RORA: variants seen among roughly 807,000 people sequenced by gnomAD.
The protein encoded by RORA is RAR related orphan receptor A.
Under a neutral mutation model 69.5 loss-of-function variants are expected in RORA, and 7 were observed. The ratio of observed to expected loss-of-function variants is 0.10; its 90% CI spans 0.06 to 0.19. The LOEUF is 0.19. Among genes scored for constraint, RORA ranks in the 10% least tolerant of loss-of-function variants. The pLI is 1.00. For synonymous variants in RORA, 261 were observed against 240.8 expected, an observed-to-expected ratio of 1.08 and a Z score of -0.78; for missense variants, 457 against 663.0, an observed-to-expected ratio of 0.69 and a Z score of 3.41.
chr15:61,008,052 C>T (rs891663695), intron 1 of RORA, among the ~76,000 whole-genome samples: 1 of 151,566 alleles, frequency 6.6e-6, no homozygotes, highest in African/African-American at 2.4e-5. Flanking sequence ...TCAAAAGTGA[C>T]AAGTTTTATT....
intron 1 of RORA, among the ~76,000 whole-genome samples, chr15:60,722,477 C>T (rs1179004042): frequency 1.3e-5 from 2 of 152,194 alleles, no homozygotes; most frequent in East Asian, 3.8e-4. Context: ...GACTTACGTG[C>T]AGCTCTCTGA....
rs540330401 is a variant in RORA, at chr15:60,855,962, A to T, written c.167-177276T>A. 8.5e-5 allele frequency among the ~76,000 whole-genome samples: 13 copies of T among 152,280 alleles called. No homozygotes were observed. In the East Asian group the frequency reaches 2.3e-3, roughly 27 times the overall value. On this transcript the variant is annotated intron_variant, in intron 1 of 10. Coordinates refer to ENST00000335670, the MANE Select transcript of RORA (RefSeq NM_134261.3). ...AGCATTTATGCATTAAATTGAACTAATATTAAATACAGTGTAGATTTCTGG... is the reference window on the plus strand; with the variant it reads ...AGCATTTATGCATTAAATTGAACTATTATTAAATACAGTGTAGATTTCTGG...
At position 60,497,477 on chromosome 15, in the gene RORA, G is replaced by A; in HGVS notation, c.1550C>T (p.Pro517Leu). The A allele has an allele frequency of 6.2e-7, 1 of 1,613,974 alleles. No individual in the cohort carries two copies. The highest frequency in any genetic ancestry group is 1.1e-5 in the South Asian group (1 of 91,072). Residue 517 changes from proline (P) to leucine (L), a missense_variant, in exon 11 of 11, where the codon CCA becomes CTA. Coordinates refer to ENST00000335670, the MANE Select transcript of RORA (RefSeq NM_134261.3). Reference protein sequence around the residue: ...YKELFTSEFEPAMQIDG With the variant: ...YKELFTSEFELAMQIDG ...CATTTACCCATCAATTTGCATTGCT[G>A]GCTCAAATTCTGAAGTGAACAACTC...
At chr15:60,594,854 C>T (rs1002078719) in intron 2 of RORA, among the ~76,000 whole-genome samples, 4 of 152,230 alleles carry the variant, frequency 2.6e-5, no homozygotes, top group African/African-American at 9.7e-5. Flanking sequence ...AGATGTACTT[C>T]ATTCACTTCC....
intron 1 of RORA, among the ~76,000 whole-genome samples, chr15:60,862,101 A>G (rs372390534): frequency 1.2e-4 from 19 of 152,352 alleles, no homozygotes; most frequent in African/African-American, 4.6e-4. Flanking sequence ...TCAGGGTGAG[A>G]GGAAATGGGC....
At chr15:60,499,843 T>C in intron 10 of RORA, 49 bp downstream of exon 10, 2 of 1,013,730 alleles carry the variant, frequency 2.0e-6, no homozygotes, top group East Asian at 5.0e-5. Context: ...GCATGATTTG[T>C]GCCAGGGGAT....
chr15:60,758,988 A>C (rs1157460243), intron 1 of RORA, among the ~76,000 whole-genome samples: 3 of 152,218 alleles, frequency 2.0e-5, no homozygotes, highest in African/African-American at 7.2e-5. Flanking sequence ...TTAGCACCTG[A>C]GCTGAGGCTC....
At position 61,218,175 on chromosome 15, in the gene RORA, TTGTGTG is replaced by T. The variant is rs72135304; in HGVS notation, c.166+10872_166+10877del. ...AGGGTAAATATTTTACATGAAATGT[TTGTGTG>T]TGTGTGTGTGTGTGTGTGTGTGTGT... On this transcript the variant is annotated intron_variant, in intron 1 of 10. Coordinates refer to ENST00000335670, the MANE Select transcript of RORA (RefSeq NM_134261.3). Among the ~76,000 whole-genome samples the T allele has an allele frequency of 5.5e-3, 814 of 148,392 alleles. 5 individuals are homozygous for T. The highest frequency in any genetic ancestry group is 0.017 in the Middle Eastern group (5 of 290).
intron 1 of RORA, among the ~76,000 whole-genome samples, chr15:61,172,153 T>C (rs192294288): frequency 2.8e-3 from 430 of 152,194 alleles, no homozygotes; most frequent in Middle Eastern, 0.01. Context: ...AAAAAAATGG[T>C]ATAGTGTCCT....
At position 60,583,064 on chromosome 15, in the gene RORA, G is replaced by A. The variant is rs984323859; in HGVS notation, c.197-51213C>T. 3.9e-5 allele frequency among the ~76,000 whole-genome samples: 6 copies of A among 152,246 alleles called. No individual in the cohort carries two copies. The South Asian group carries it at 1.0e-3, about 26-fold the overall frequency. On this transcript the variant is annotated intron_variant, in intron 2 of 10. Transcript: ENST00000335670. ...CCCCTCGGCCGCCAGCATCACATCT[G>A]CCACAATAATGAGATAGATACTACA...
intron 1 of RORA, among the ~76,000 whole-genome samples, chr15:60,787,449 T>C (rs1163004517): frequency 6.6e-6 from 1 of 152,228 alleles, no homozygotes; most frequent in Non-Finnish European, 1.5e-5. Context: ...CAACCAGTCA[T>C]CTTTTCTGAG....
chr15:61,119,389 GTATATATATATATATATACACACACTA>G (rs1280110385), intron 1 of RORA, among the ~76,000 whole-genome samples: 1 of 147,680 alleles, frequency 6.8e-6, no homozygotes, highest in African/African-American at 2.5e-5. Context: ...TTTTGTATAT[GTATATATATATATATATACACACACTA>G]TATATATATA....
chr15:60,735,058 A>T (rs2071480115), intron 1 of RORA, among the ~76,000 whole-genome samples: 1 of 152,222 alleles, frequency 6.6e-6, no homozygotes, highest in Non-Finnish European at 1.5e-5. Context: ...TCTGTGAAGT[A>T]CAAAGCATCA....
At chr15:61,003,334 G>T (rs1339009865) in intron 1 of RORA, among the ~76,000 whole-genome samples, 1 of 152,122 alleles carries the variant, frequency 6.6e-6, no homozygotes, top group Non-Finnish European at 1.5e-5. Flanking sequence ...GTAATCTGCT[G>T]ATTTAGTGAT....
At chr15:60,764,393 G>T (rs12439253) in intron 1 of RORA, among the ~76,000 whole-genome samples, 11,404 of 152,114 alleles carry the variant, frequency 0.075, 523 homozygotes, top group Admixed American at 0.12. Context: ...GGAATAAAAT[G>T]GTCTTTTAGG....
intron 1 of RORA, among the ~76,000 whole-genome samples, chr15:61,046,380 G>A (rs959918004): frequency 5.3e-5 from 8 of 152,222 alleles, no homozygotes; most frequent in Admixed American, 1.3e-4. Flanking sequence ...AATAGTCTCC[G>A]CCAGGAGAGG....
intron 1 of RORA, among the ~76,000 whole-genome samples, chr15:61,168,940 T>C (rs930384678): frequency 6.6e-6 from 1 of 152,192 alleles, no homozygotes; most frequent in Non-Finnish European, 1.5e-5. Flanking sequence ...GAGTGACCTC[T>C]CAATTATTAC....
chr15:60,791,990 T>C (rs1402880579), intron 1 of RORA, among the ~76,000 whole-genome samples: 3 of 151,260 alleles, frequency 2.0e-5, no homozygotes, highest in African/African-American at 7.3e-5. Flanking sequence ...ACTCAGATAA[T>C]GCCCTTAGCT....
At chr15:60,814,498 T>G (rs958990556) in intron 1 of RORA, among the ~76,000 whole-genome samples, 1 of 152,134 alleles carries the variant, frequency 6.6e-6, no homozygotes, top group Non-Finnish European at 1.5e-5. Context: ...AATAAAATAA[T>G]AAATGAAGAG....
Sources: gnomAD v4.1 joint callset for allele counts (sites outside exome capture counted in the v4.1 genomes callset) on GRCh38, gnomAD v4.1.1 for gene constraint, MANE v1.5 for transcripts, NCBI Gene and HGNC (gene_info 2026-07-23, HGNC 2026-07-21) for gene names.